ZMYM2: variants seen among roughly 807,000 people sequenced by gnomAD.
The protein encoded by ZMYM2 is zinc finger MYM-type containing 2.
ZMYM2 carries 56 observed loss-of-function variants against 162.8 expected under a neutral mutation model. The ratio of observed to expected loss-of-function variants is 0.34; its 90% CI spans 0.28 to 0.43. ZMYM2 has a LOEUF of 0.43. Among genes scored for constraint, ZMYM2 ranks in the 20% least tolerant of loss-of-function variants. ZMYM2 has a pLI of 1.00. For synonymous variants in ZMYM2, 510 were observed against 541.6 expected (o/e 0.94, Z 0.81); for missense variants, 1,275 against 1,621.8 (o/e 0.79, Z 3.67).
intron 17 of ZMYM2, 36 bp from the exon 18 acceptor site, chr13:20,062,810 G>A: frequency 1.3e-6 from 2 of 1,505,634 alleles, no homozygotes; most frequent in East Asian, 2.4e-5. Flanking sequence ...GGGGTTTTCT[G>A]TTTTGATTCC....
At chr13:20,082,285 T>G (rs1957963197) in intron 22 of ZMYM2, among the ~76,000 whole-genome samples, 155 bp downstream of exon 22, 1 of 152,204 alleles carries the variant, frequency 6.6e-6, no homozygotes, top group Non-Finnish European at 1.5e-5. Flanking sequence ...CTTGTTGAAT[T>G]AGAAACAAAT....
rs9509006 is a variant in ZMYM2 at position 20,020,337 on chromosome 13, C to T, written c.1584+719C>T. 2.1e-3 allele frequency among the ~76,000 whole-genome samples: 321 copies of T among 151,444 alleles called. 1 individual carries two copies. Among genetic ancestry groups the T allele is most frequent in the Non-Finnish European group, 3.9e-3 (264 of 67,932 alleles). ...GCAACCTCCGCCCCCTGGGTTCAAG[C>T]GATTCTCCTGCCTCAGCCTCCCAAG... On this transcript the variant is annotated intron_variant, in intron 7 of 24. Transcript: ENST00000610343.
At chr13:20,032,317 G>T (rs1953238634) in intron 10 of ZMYM2, among the ~76,000 whole-genome samples, 1 of 151,788 alleles carries the variant, frequency 6.6e-6, no homozygotes, top group Non-Finnish European at 1.5e-5. Flanking sequence ...TCATAAGGGG[G>T]CAGTAATAGA....
chr13:19,904,854 T>C, the ZMYM2 span, among the ~76,000 whole-genome samples: 1 of 152,190 alleles, frequency 6.6e-6, no homozygotes, highest in Non-Finnish European at 1.5e-5. Flanking sequence ...TGTTGTATCA[T>C]GTACAGAATT....
chr13:19,964,997 TAGTG>T (rs911155222), intron 2 of ZMYM2, among the ~76,000 whole-genome samples: 52 of 152,222 alleles, frequency 3.4e-4, no homozygotes, highest in African/African-American at 1.2e-3. Flanking sequence ...ATACTTAAGT[TAGTG>T]GGTGCAGCGC....
chr13:20,080,160 T>G (rs927692200), intron 21 of ZMYM2, among the ~76,000 whole-genome samples: 3 of 152,062 alleles, frequency 2.0e-5, no homozygotes, highest in African/African-American at 7.2e-5. Context: ...ACCCTTTAAC[T>G]AACCCAAAAG....
chr13:19,928,668 A>G, the ZMYM2 span, among the ~76,000 whole-genome samples: 57 of 152,168 alleles, frequency 3.7e-4, no homozygotes, highest in African/African-American at 1.3e-3. Context: ...ATGGTGGCAC[A>G]TGCCTGTAGT....
At chr13:19,967,459 T>C (rs1371373563) in intron 2 of ZMYM2, among the ~76,000 whole-genome samples, 3 of 152,188 alleles carry the variant, frequency 2.0e-5, no homozygotes, top group African/African-American at 7.2e-5. Context: ...CAGGCTTAAA[T>C]CTGCCCTGCT....
At chr13:19,917,415 C>T in the ZMYM2 span, among the ~76,000 whole-genome samples, 1 of 151,526 alleles carries the variant, frequency 6.6e-6, no homozygotes, top group African/African-American at 2.4e-5. Flanking sequence ...ATGATGAAGC[C>T]CCATCTCTAC....
the ZMYM2 span, among the ~76,000 whole-genome samples, chr13:19,946,783 C>G: frequency 6.6e-6 from 1 of 152,148 alleles, no homozygotes; most frequent in Non-Finnish European, 1.5e-5. Context: ...ATAATAATGA[C>G]TAATTTTTGT....
At chr13:19,865,193 A>T in the ZMYM2 span, 1 of 148,794 alleles carries the variant, frequency 6.7e-6, no homozygotes, top group Non-Finnish European at 1.5e-5. Context: ...GGCCACACAT[A>T]AAATACGCTA....
the ZMYM2 span, among the ~76,000 whole-genome samples, chr13:19,894,353 T>G: frequency 6.6e-6 from 1 of 151,700 alleles, no homozygotes; most frequent in Non-Finnish European, 1.5e-5. Context: ...ATCTTGTTTT[T>G]TTTTTTTTTG....
At chr13:19,880,227 T>C in the ZMYM2 span, among the ~76,000 whole-genome samples, 1 of 152,204 alleles carries the variant, frequency 6.6e-6, no homozygotes, top group South Asian at 2.1e-4. Context: ...CATATATCCA[T>C]GTATATCCTA....
chr13:20,079,105 C>T (rs1333483923), intron 21 of ZMYM2, among the ~76,000 whole-genome samples: 4 of 151,040 alleles, frequency 2.6e-5, no homozygotes, highest in South Asian at 4.2e-4. Flanking sequence ...CAGATCACAA[C>T]GTCAAGAGAT....
intron 16 of ZMYM2, 37 bp downstream of exon 16, chr13:20,059,599 T>A: frequency 1.1e-6 from 1 of 939,368 alleles, no homozygotes; most frequent in Non-Finnish European, 1.8e-6. Context: ...ATTTTGAGAT[T>A]TAGCAGACAC....
rs117013446 is a variant in ZMYM2 at position 20,012,516 on chromosome 13, T to A, written c.1512+5930T>A. ...ATTTTGATTTACCCATTGTTTTCTTTTGGTCGTGCTTTCGGTGTCATTTAA... is the reference window on the plus strand; with the variant it reads ...ATTTTGATTTACCCATTGTTTTCTTATGGTCGTGCTTTCGGTGTCATTTAA... On this transcript the variant is annotated intron_variant, in intron 6 of 24. Transcript: ENST00000610343. 7.5e-3 allele frequency among the ~76,000 whole-genome samples: 1,141 copies of A among 152,310 alleles called. 7 individuals carry two copies. Among genetic ancestry groups the A allele is most frequent in the Non-Finnish European group, 0.011 (758 of 68,020 alleles).
At chr13:19,940,336 T>C in the ZMYM2 span, among the ~76,000 whole-genome samples, 1 of 152,210 alleles carries the variant, frequency 6.6e-6, no homozygotes, top group Admixed American at 6.5e-5. Context: ...TCTTAATCTG[T>C]TTGGAATGTG....
chr13:19,877,818 C>T, the ZMYM2 span, among the ~76,000 whole-genome samples: 3 of 152,168 alleles, frequency 2.0e-5, no homozygotes, highest in South Asian at 6.2e-4. Context: ...GTTGCTTCCA[C>T]ATTTTAGCTA....
At chr13:19,998,932 T>C (rs1950202143) in intron 3 of ZMYM2, among the ~76,000 whole-genome samples, 4 of 152,166 alleles carry the variant, frequency 2.6e-5, no homozygotes, top group African/African-American at 9.7e-5. Flanking sequence ...AAAAGAAATT[T>C]ATGAGAGACC....
Sources: allele counts gnomAD v4.1 joint callset (sites outside exome capture counted in the v4.1 genomes callset), GRCh38; gene constraint gnomAD v4.1.1; transcripts MANE v1.5; gene names NCBI Gene and HGNC (gene_info 2026-07-23, HGNC 2026-07-21).